DNAH12: variants seen among roughly 807,000 people sequenced by gnomAD.
DNAH12 encodes axonemal beta dynein heavy chain 12.
In DNAH12, 285 loss-of-function variants were observed where a neutral mutation model predicts 371.5. The observed-to-expected ratio is 0.77, with a 90% CI of 0.70 to 0.85. DNAH12 has a LOEUF of 0.85. Among genes scored for constraint, DNAH12 ranks in the 40% least tolerant of loss-of-function variants. The pLI is 0.00. For missense variants in DNAH12, 3,611 were observed against 3,689.4 expected (o/e 0.98, Z 0.55); for synonymous variants, 1,200 against 1,213.0 (o/e 0.99, Z 0.22).
intron 45 of DNAH12, among the ~76,000 whole-genome samples, chr3:57,388,905 G>A (rs1460260124): frequency 2.0e-5 from 3 of 149,104 alleles, no homozygotes; most frequent in Admixed American, 6.7e-5. Flanking sequence ...GGCCTGTCGT[G>A]GGGTTGGGGG....
intron 2 of DNAH12, among the ~76,000 whole-genome samples, chr3:57,527,915 C>T (rs1205374935): frequency 2.0e-5 from 3 of 152,172 alleles, no homozygotes; most frequent in Admixed American, 2.0e-4. Flanking sequence ...GCTTTGGCTG[C>T]CTGTACTCGT....
chr3:57,294,151 A>C (rs1286729349), intron 73 of DNAH12, among the ~76,000 whole-genome samples, 180 bp from the exon 74 acceptor site: 2 of 150,864 alleles, frequency 1.3e-5, no homozygotes, highest in East Asian at 3.9e-4. Flanking sequence ...CGGTTGTGAA[A>C]CAAGGCAAGT....
intron 43 of DNAH12, among the ~76,000 whole-genome samples, chr3:57,394,808 A>T (rs2063702430): frequency 2.0e-5 from 3 of 152,302 alleles, no homozygotes; most frequent in Non-Finnish European, 4.4e-5. Context: ...AAATTCAGCT[A>T]TGTCAAAAGC....
intron 4 of DNAH12, among the ~76,000 whole-genome samples, chr3:57,520,214 G>A (rs2068367290): frequency 6.6e-6 from 1 of 151,962 alleles, no homozygotes; most frequent in Non-Finnish European, 1.5e-5. Flanking sequence ...CGGAGTTCAA[G>A]CGATCTCCTG....
chr3:57,396,406 T>TG (rs1303695957), intron 43 of DNAH12, among the ~76,000 whole-genome samples: 2 of 151,908 alleles, frequency 1.3e-5, no homozygotes, highest in African/African-American at 4.8e-5. Flanking sequence ...TGATTTTTTT[T>TG]TTGTTTTTTG....
chr3:57,324,670 C>A (rs1392947410), intron 62 of DNAH12, among the ~76,000 whole-genome samples: 1 of 152,200 alleles, frequency 6.6e-6, no homozygotes, highest in African/African-American at 2.4e-5. Flanking sequence ...TTCTGCATTT[C>A]CATCTGAGGT....
At chr3:57,431,764 A>G (rs1191083646) in intron 32 of DNAH12, among the ~76,000 whole-genome samples, 1 of 152,186 alleles carries the variant, frequency 6.6e-6, no homozygotes, top group African/African-American at 2.4e-5. Context: ...CCACTCAATC[A>G]GGCTCTCAGT....
intron 9 of DNAH12, 133 bp downstream of exon 9, chr3:57,503,883 G>C: frequency 1.3e-6 from 1 of 752,816 alleles, no homozygotes; most frequent in Non-Finnish European, 2.0e-6. Flanking sequence ...CAAAGAGAAA[G>C]CAATTTCTAA....
At chr3:57,347,981 A>G (rs2153319366) in intron 60 of DNAH12, among the ~76,000 whole-genome samples, 1 of 152,070 alleles carries the variant, frequency 6.6e-6, no homozygotes, top group South Asian at 2.1e-4. Context: ...AACTAAACAT[A>G]CTCTTACCAT....
intron 43 of DNAH12, among the ~76,000 whole-genome samples, chr3:57,398,339 TATGA>T (rs2063786813): frequency 6.7e-6 from 1 of 150,150 alleles, no homozygotes; most frequent in African/African-American, 2.4e-5. Context: ...AATCCCAGAA[TATGA>T]GAGAGAGAAA....
intron 32 of DNAH12, 46 bp downstream of exon 32, chr3:57,433,321 T>C (rs1349938301): frequency 1.3e-6 from 2 of 1,520,846 alleles, no homozygotes; most frequent in African/African-American, 1.4e-5. Context: ...ACACATAAAA[T>C]TGCTTAATCA....
intron 23 of DNAH12, among the ~76,000 whole-genome samples, chr3:57,454,152 TG>T (rs1364587587): frequency 1.3e-5 from 2 of 151,726 alleles, no homozygotes; most frequent in African/African-American, 4.8e-5. Flanking sequence ...ATGAATTTTG[TG>T]AGTGATTTTG....
intron 69 of DNAH12, among the ~76,000 whole-genome samples, chr3:57,304,290 G>T (rs971132017): frequency 3.9e-5 from 6 of 152,152 alleles, no homozygotes; most frequent in African/African-American, 9.7e-5. Flanking sequence ...CGGATCGGGG[G>T]ACCTCCCTTG....
In DNAH12 at chr3:57,457,800, C is replaced by A. The variant is rs1453465971; in HGVS notation, c.3257G>T (p.Gly1086Val). The A allele has an allele frequency of 6.4e-7, 1 of 1,551,584 alleles. No individual in the cohort carries two copies. The highest frequency in any genetic ancestry group is 8.7e-7 in the Non-Finnish European group (1 of 1,146,974). ...IALISTSAAR[G>V]AVEKWLIQVE... Reference sequence around the variant, plus strand: ...TTGAATGAGCCACTTTTCCACAGCACCCCGCGCTGCAGACGTGGAAATGAG... The same window carrying A: ...TTGAATGAGCCACTTTTCCACAGCAACCCGCGCTGCAGACGTGGAAATGAG... Residue 1086 changes from glycine (G) to valine (V), a missense_variant, in exon 22 of 74, where the codon GGT (glycine) becomes GTT (valine). By Grantham distance (109) the Gly-to-Val change is moderately radical. Around this residue, in one of 3 missense-constraint regions of DNAH12, gnomAD observed 1,314 missense variants for 1,398.7 expected, o/e 0.94. Coordinates refer to ENST00000495027, the MANE Select transcript of DNAH12 (RefSeq NM_001366028.2).
intron 69 of DNAH12, among the ~76,000 whole-genome samples, chr3:57,307,288 T>G (rs1347996404): frequency 6.6e-6 from 1 of 152,214 alleles, no homozygotes; most frequent in Non-Finnish European, 1.5e-5. Flanking sequence ...GAAACCTAGC[T>G]GACCCCATAG....
At chr3:57,442,292 T>C (rs866883161) in intron 29 of DNAH12, among the ~76,000 whole-genome samples, 74 of 150,512 alleles carry the variant, frequency 4.9e-4, no homozygotes, top group Middle Eastern at 3.4e-3. Flanking sequence ...CTTTTTTTTT[T>C]CAAATACAAT....
intron 60 of DNAH12, among the ~76,000 whole-genome samples, chr3:57,341,445 A>T (rs960322285): frequency 3.3e-5 from 5 of 152,204 alleles, no homozygotes; most frequent in Non-Finnish European, 7.4e-5. Context: ...GTGTTTTTAT[A>T]TAAGAACAAT....
chr3:57,396,290 C>CAA (rs1159748997), intron 43 of DNAH12, among the ~76,000 whole-genome samples: 3,228 of 67,596 alleles, frequency 0.048, 68 homozygotes, highest in East Asian at 0.11. Flanking sequence ...AAAAAAAAAA[C>CAA]AAAAAAAAAA....
At chr3:57,405,376 G>A (rs1235556032) in intron 41 of DNAH12, among the ~76,000 whole-genome samples, 2 of 152,046 alleles carry the variant, frequency 1.3e-5, no homozygotes, top group African/African-American at 2.4e-5. Context: ...CATTCTGGGC[G>A]ACTCCCATTG....
Sources: gnomAD v4.1 joint callset for allele counts (sites outside exome capture counted in the v4.1 genomes callset) on GRCh38, gnomAD v4.1.1 for gene constraint, gnomAD v4.1.1 regional missense constraint, MANE v1.5 for transcripts, NCBI Gene and HGNC (gene_info 2026-07-23, HGNC 2026-07-21) for gene names.